SPTBN1: variants seen among roughly 807,000 people sequenced by gnomAD.
SPTBN1 encodes the protein spectrin beta chain, non-erythrocytic 1.
Under a neutral mutation model 266.4 loss-of-function variants are expected in SPTBN1, and 32 were observed. The observed-to-expected ratio is 0.12, with a 90% confidence interval of 0.09 to 0.16. The LOEUF (loss-of-function observed/expected upper bound fraction) is 0.16, where lower values mean the gene tolerates loss of function less well. Among genes scored for constraint, SPTBN1 ranks in the 10% least tolerant of loss-of-function variants. The pLI is 1.00. For synonymous variants in SPTBN1, 1,336 were observed against 1,162.2 expected, an observed-to-expected ratio of 1.15 and a Z score of -3.04; for missense variants, 2,296 against 3,067.1, an observed-to-expected ratio of 0.75 and a Z score of 5.94.
intron 3 of SPTBN1, among the ~76,000 whole-genome samples, chr2:54,611,341 G>A (rs975656316): frequency 5.9e-5 from 9 of 152,010 alleles, no homozygotes; most frequent in Non-Finnish European, 1.0e-4. Context: ...CCCAACTAAA[G>A]GTCAACTGTG....
At chr2:54,637,042 C>T (rs529956407) in intron 17 of SPTBN1, among the ~76,000 whole-genome samples, 1 of 152,324 alleles carries the variant, frequency 6.6e-6, no homozygotes, top group African/African-American at 2.4e-5. Context: ...GGGGAAGGAG[C>T]CAAGTAGGGA....
intron 2 of SPTBN1, among the ~76,000 whole-genome samples, chr2:54,572,596 C>T (rs1558855675): frequency 6.6e-6 from 1 of 152,186 alleles, no homozygotes; most frequent in African/African-American, 2.4e-5. Context: ...CTGCTTTTGG[C>T]CCATGAACTA....
chr2:54,666,570 T>G (rs1457188315), intron 34 of SPTBN1, among the ~76,000 whole-genome samples: 2 of 151,810 alleles, frequency 1.3e-5, no homozygotes, highest in Non-Finnish European at 2.9e-5. Flanking sequence ...CTCCCCTGAC[T>G]CTCCCAGCAG....
chr2:54,536,389 T>C (rs1278253959), intron 2 of SPTBN1, among the ~76,000 whole-genome samples: 1 of 152,244 alleles, frequency 6.6e-6, no homozygotes, highest in Non-Finnish European at 1.5e-5. Context: ...TCTTCAGTGA[T>C]ACCATTCAAT....
chr2:54,630,281 G>C (rs1678645682), intron 15 of SPTBN1, among the ~76,000 whole-genome samples: 2 of 152,200 alleles, frequency 1.3e-5, no homozygotes, highest in Non-Finnish European at 2.9e-5. Context: ...CCAAAGTTAG[G>C]GCCTTGGTTT....
chr2:54,489,552 T>C (rs1338679319), intron 1 of SPTBN1, among the ~76,000 whole-genome samples: 1 of 151,802 alleles, frequency 6.6e-6, no homozygotes, highest in Admixed American at 6.6e-5. Context: ...ATACAAAAAT[T>C]AGCCAGGCGT....
At position 54,653,761 on chromosome 2, in the gene SPTBN1, A is replaced by G. The variant is rs2271328; in HGVS notation, c.5730A>G (p.Thr1910=). 3,847 of 1,614,186 alleles carry G rather than the reference A, an allele frequency of 2.4e-3. 57 individuals carry two copies. The highest frequency in any genetic ancestry group is 0.017 in the East Asian group (774 of 44,886). The part of the protein sequence containing the change: ...CESRRVRLVD[T]GDKFRFFSMV... ...GCCGCAGGGTGCGGCTGGTGGACACAGGGGACAAGTTCCGCTTCTTCAGCA... is the reference window on the plus strand; with the variant it reads ...GCCGCAGGGTGCGGCTGGTGGACACGGGGGACAAGTTCCGCTTCTTCAGCA... Residue 1910 remains threonine (T), a synonymous_variant, in exon 27 of 36, where the codon ACA becomes ACG. Coordinates refer to ENST00000356805, the MANE Select transcript of SPTBN1 (RefSeq NM_003128.3). This position sits in a 1 kb window ranked among gnomAD's most constrained non-coding sequence, Gnocchi z 5.1.
intron 2 of SPTBN1, among the ~76,000 whole-genome samples, chr2:54,547,112 A>G (rs1672290853): frequency 1.3e-5 from 2 of 152,180 alleles, no homozygotes; most frequent in Non-Finnish European, 2.9e-5. Flanking sequence ...CCATTAAACA[A>G]TAACTCACCA....
At chr2:54,485,325 C>T (rs1055216168) in intron 1 of SPTBN1, among the ~76,000 whole-genome samples, 9 of 144,858 alleles carry the variant, frequency 6.2e-5, no homozygotes, top group African/African-American at 2.2e-4. Context: ...CGAGTGCCTG[C>T]AATTGCAGGC....
chr2:54,567,816 G>A (rs767634826), intron 2 of SPTBN1, among the ~76,000 whole-genome samples: 1 of 152,166 alleles, frequency 6.6e-6, no homozygotes, highest in African/African-American at 2.4e-5. Flanking sequence ...TAGTCTGACT[G>A]CTGGTATGAT....
Position 54,644,367 on chromosome 2 carries a change from G to A in SPTBN1, c.4050G>A (p.Val1350=). Residue 1350 remains valine (V), a synonymous_variant, in exon 20 of 36, where the codon GTG becomes GTA. Coordinates refer to ENST00000356805, the MANE Select transcript of SPTBN1 (RefSeq NM_003128.3). ...LISEKPETEA[V]VKEKLTGLHK... ...CAGAAAAGCCTGAGACGGAAGCTGT[G>A]GTGAAGGAGAAACTCACTGGTTTAC... is the stretch of plus-strand genomic sequence containing the variant. 6.2e-7 allele frequency: 1 copy of A among 1,613,824 alleles called. No individual in the cohort carries two copies. The highest frequency in any genetic ancestry group is 1.1e-5 in the South Asian group (1 of 91,082).
Position 54,548,557 on chromosome 2 carries a change from A to C in SPTBN1, c.148+21991A>C, listed in dbSNP as rs1020990377. Among the ~76,000 whole-genome samples the C allele has an allele frequency of 6.6e-5, 10 of 152,164 alleles. 1 individual carries two copies. Among genetic ancestry groups the C allele is most frequent in the African/African-American group, 2.4e-4 (10 of 41,440 alleles). On this transcript the variant is annotated intron_variant, in intron 2 of 35. Transcript: ENST00000356805. ...TCCAAGCCCTGGGCCCACTTCATTG[A>C]CTGGCATGAGAAATGCACGCTACTT...
chr2:54,627,136 T>C (rs187836791), intron 12 of SPTBN1, among the ~76,000 whole-genome samples: 88 of 152,266 alleles, frequency 5.8e-4, no homozygotes, highest in African/African-American at 2.0e-3. Context: ...GTTGCCTACC[T>C]CTTGGACTGT....
intron 1 of SPTBN1, among the ~76,000 whole-genome samples, chr2:54,489,939 A>G (rs1354515862): frequency 6.6e-6 from 1 of 152,180 alleles, no homozygotes; most frequent in Admixed American, 6.5e-5. Flanking sequence ...TGAGCCTAAA[A>G]TGTTTGTAAT....
rs372165954 is a variant in SPTBN1 at position 54,655,170 on chromosome 2, A to G, written c.5923A>G (p.Lys1975Glu). ...TTTCACAACCTGCATTGAACTTGGG[A>G]AATCCCTGTTGGCGAGAAAACACTA... ...DSFTTCIELGKSLLARKHYAS... is the reference protein window; with the variant it reads ...DSFTTCIELGESLLARKHYAS... The change falls in exon 28 of 36, where the codon AAA becomes GAA. Residue 1975 changes from lysine to glutamate, a missense_variant. This residue lies in a region of SPTBN1 where 644 missense variants were observed against 745.3 expected (regional missense o/e 0.86). Transcript: ENST00000356805. The G allele has an allele frequency of 2.5e-6, 4 of 1,614,072 alleles. No individual in the cohort carries two copies. In the African/African-American group the frequency reaches 5.3e-5, roughly 22 times the overall value.
chr2:54,668,450 G>A lies in SPTBN1; in HGVS notation c.6976G>A (p.Ala2326Thr), dbSNP rs200348448. 73 of 1,614,174 alleles carry A rather than the reference G, an allele frequency of 4.5e-5. No homozygotes were observed. The Middle Eastern group carries it at 6.6e-4, about 15-fold the overall frequency. ...CCAGAGCACGCCAGCATCCAGCCGC[G>A]CGCAGACCCTCCCCACCAGCGTCGT... Reference protein sequence around the residue: ...STQSTPASSRAQTLPTSVVTI... With the variant: ...STQSTPASSRTQTLPTSVVTI... Residue 2326 changes from alanine (A) to threonine (T), a missense_variant, in exon 36 of 36, where the codon GCG (alanine) becomes ACG (threonine). Physicochemically the swap from Ala to Thr is moderately conservative, Grantham distance 58. This residue lies in a region of SPTBN1 where 347 missense variants were observed against 368.5 expected (regional missense o/e 0.94). Transcript: ENST00000356805.
At position 54,540,246 on chromosome 2, in the gene SPTBN1, C is replaced by A. The variant is rs931062140; in HGVS notation, c.148+13680C>A. On this transcript the variant is annotated intron_variant, in intron 2 of 35. Transcript: ENST00000356805. The surrounding 1 kb of genome is among the most constrained non-coding windows in gnomAD (Gnocchi z 5.6). ...TTCTAGTAATAAACAGAAGTAAGAC[C>A]AGCTGATTGATAGAATCCTGGAGTT... is the stretch of plus-strand genomic sequence containing the variant. Among the ~76,000 whole-genome samples the A allele has an allele frequency of 2.0e-5, 3 of 152,110 alleles. No homozygotes were observed. The highest frequency in any genetic ancestry group is 6.5e-5 in the Admixed American group (1 of 15,270).
chr2:54,520,941 T>G (rs981410091), intron 1 of SPTBN1, among the ~76,000 whole-genome samples: 7 of 152,160 alleles, frequency 4.6e-5, no homozygotes, highest in Non-Finnish European at 1.0e-4. Context: ...CTGGGTTTCC[T>G]AATGGTGGAA....
intron 2 of SPTBN1, among the ~76,000 whole-genome samples, chr2:54,568,834 A>G (rs1460717148): frequency 6.6e-6 from 1 of 152,236 alleles, no homozygotes; most frequent in East Asian, 1.9e-4. Context: ...AACCTTTTAA[A>G]TACTTTAAAA....
Sources: allele counts gnomAD v4.1 joint callset (sites outside exome capture counted in the v4.1 genomes callset), GRCh38; gene constraint gnomAD v4.1.1; regional missense constraint gnomAD v4.1.1; non-coding constraint Gnocchi (gnomAD v3.1); transcripts MANE v1.5; gene names NCBI Gene and HGNC (gene_info 2026-07-23, HGNC 2026-07-21).